Variants in CWF19L2 observed in about 807,000 individuals in gnomAD.
CWF19L2 encodes CWF19-like protein 2.
A neutral mutation model predicts 111.7 loss-of-function variants in CWF19L2; 98 were observed. The ratio of observed to expected loss-of-function variants is 0.88; its 90% CI spans 0.75 to 1.04. The LOEUF is 1.04. Among genes scored for constraint, CWF19L2 ranks in the 50% least tolerant of loss-of-function variants. The pLI is 0.00. For missense variants in CWF19L2, 1,101 were observed against 1,051.4 expected (o/e 1.05, Z -0.65); for synonymous variants, 351 against 342.9 (o/e 1.02, Z -0.26).
chr11:107,334,522 A>G (rs1183457101), intron 16 of CWF19L2, among the ~76,000 whole-genome samples: 2 of 152,212 alleles, frequency 1.3e-5, no homozygotes, highest in Non-Finnish European at 2.9e-5. Context: ...TTCTCTCAGT[A>G]TAATTGCAGA....
intron 13 of CWF19L2, among the ~76,000 whole-genome samples, chr11:107,352,988 A>C (rs558774604): frequency 5.9e-5 from 9 of 152,162 alleles, no homozygotes; most frequent in Admixed American, 3.3e-4. Context: ...CTGAAACATT[A>C]TTCATTCCTA....
chr11:107,332,978 C>A (rs188343141), intron 16 of CWF19L2, among the ~76,000 whole-genome samples: 1 of 151,650 alleles, frequency 6.6e-6, no homozygotes, highest in Non-Finnish European at 1.5e-5. Flanking sequence ...ATTAGCCTGG[C>A]GTGGTGGTGC....
In CWF19L2 at chr11:107,397,517, CGCCCACGGAGAGTCTGAGCTCAGGCAG is replaced by C. The variant is rs544817106; in HGVS notation, c.1618-4649_1618-4623del. ...CCCCCACAGCAGCCCCAGCAAGACGCGCCCACGGAGAGTCTGAGCTCAGGCAGGCCTAGCCCCGCCCCCACCTGATGA... is the reference window on the plus strand; with the variant it reads ...CCCCCACAGCAGCCCCAGCAAGACGCGCCTAGCCCCGCCCCCACCTGATGA... On this transcript the variant is annotated intron_variant, in intron 10 of 17. Transcript: ENST00000282251. Among the ~76,000 whole-genome samples the C allele has an allele frequency of 5.9e-5, 9 of 152,246 alleles. No individual in the cohort carries two copies. In the East Asian group the frequency reaches 1.7e-3, roughly 30 times the overall value.
At chr11:107,430,282 G>A (rs1335292619) in intron 7 of CWF19L2, among the ~76,000 whole-genome samples, 1 of 151,058 alleles carries the variant, frequency 6.6e-6, no homozygotes, top group Non-Finnish European at 1.5e-5. Flanking sequence ...ATATGGATAG[G>A]GGTAGATAAA....
At chr11:107,425,283 C>T (rs1049366204) in intron 8 of CWF19L2, among the ~76,000 whole-genome samples, 3 of 151,258 alleles carry the variant, frequency 2.0e-5, no homozygotes, top group Non-Finnish European at 4.4e-5. Context: ...TTTTTAAAAC[C>T]TGAAATTAGT....
chr11:107,330,046 G>T, intron 16 of CWF19L2, 27 bp from the exon 17 acceptor site: 1 of 1,409,426 alleles, frequency 7.1e-7, no homozygotes, highest in Non-Finnish European at 9.7e-7. Flanking sequence ...ATCACAAATG[G>T]AATACAGTAT....
chr11:107,412,650 G>C (rs1213884375), intron 10 of CWF19L2, among the ~76,000 whole-genome samples: 1 of 152,126 alleles, frequency 6.6e-6, no homozygotes, highest in African/African-American at 2.4e-5. Context: ...CTACCAAAAG[G>C]AGTTGAAAAC....
At chr11:107,435,096 C>A (rs1861521434) in intron 6 of CWF19L2, among the ~76,000 whole-genome samples, 1 of 152,066 alleles carries the variant, frequency 6.6e-6, no homozygotes, top group African/African-American at 2.4e-5. Flanking sequence ...TTTCAAGGCT[C>A]AAATTAATTC....
At position 107,455,723 on chromosome 11, in the gene CWF19L2, C is replaced by T; in HGVS notation, c.159G>A (p.Arg53=). The change falls in exon 2 of 18, where the codon CGG becomes CGA. Residue 53 remains arginine (R), a synonymous_variant. Coordinates refer to ENST00000282251, the MANE Select transcript of CWF19L2 (RefSeq NM_152434.3). The part of the protein sequence containing the change: ...EERRKELKRL[R]GEDTWMLPDV... Reference sequence around the variant, plus strand: ...CAGGTAGCATCCATGTATCCTCACCCCGAAGTCGCTTAAGTTCTTTACGCC... The same window carrying T: ...CAGGTAGCATCCATGTATCCTCACCTCGAAGTCGCTTAAGTTCTTTACGCC... The T allele has an allele frequency of 6.4e-7, 1 of 1,551,408 alleles. No individual in the cohort carries two copies. The highest frequency in any genetic ancestry group is 8.7e-7 in the Non-Finnish European group (1 of 1,146,828).
chr11:107,382,988 G>A lies in CWF19L2; in HGVS notation c.1872+7086C>T, dbSNP rs143192665. On this transcript the variant is annotated intron_variant, in intron 12 of 17. Transcript: ENST00000282251. ...TTTCTGGATACCTGAACACGTAGAG[G>A]TTCCTGGAGGGTGGCACTCCCAGGG... Among the ~76,000 whole-genome samples the A allele has an allele frequency of 2.0e-5, 3 of 152,368 alleles. No individual in the cohort carries two copies. The East Asian group carries it at 5.8e-4, about 29-fold the overall frequency.
chr11:107,349,120 T>C, intron 13 of CWF19L2, 67 bp from the exon 14 acceptor site: 1 of 727,530 alleles, frequency 1.4e-6, no homozygotes, highest in Non-Finnish European at 2.2e-6. Flanking sequence ...TATATGTTAA[T>C]GCTATTTATT....
chr11:107,439,282 C>A, intron 5 of CWF19L2, 99 bp from the exon 6 acceptor site: 1 of 678,634 alleles, frequency 1.5e-6, no homozygotes. Flanking sequence ...AGTCATAACC[C>A]TGGACAAATC....
intron 12 of CWF19L2, among the ~76,000 whole-genome samples, chr11:107,355,472 T>C (rs1349640848): frequency 6.6e-6 from 1 of 150,988 alleles, no homozygotes; most frequent in Admixed American, 6.6e-5. Context: ...CAAAACTACA[T>C]GTTATCATCA....
chr11:107,426,270 A>G (rs572414345), intron 8 of CWF19L2, among the ~76,000 whole-genome samples: 5 of 151,924 alleles, frequency 3.3e-5, no homozygotes, highest in African/African-American at 1.2e-4. Flanking sequence ...ACTCATATTT[A>G]AAAAAATAAA....
At chr11:107,442,143 G>T (rs1861626667) in intron 4 of CWF19L2, among the ~76,000 whole-genome samples, 1 of 152,146 alleles carries the variant, frequency 6.6e-6, no homozygotes, top group Non-Finnish European at 1.5e-5. Context: ...GACATAAGGG[G>T]AAAGTGCCAC....
chr11:107,438,493 G>A (rs551198295), intron 6 of CWF19L2, among the ~76,000 whole-genome samples: 248 of 152,044 alleles, frequency 1.6e-3, no homozygotes, highest in Middle Eastern at 0.01. Flanking sequence ...TTTATATTTT[G>A]TTACAGAATG....
intron 14 of CWF19L2, among the ~76,000 whole-genome samples, chr11:107,341,272 G>C (rs1274759209): frequency 2.0e-5 from 3 of 152,188 alleles, no homozygotes; most frequent in Non-Finnish European, 2.9e-5. Flanking sequence ...ACAAACTTTA[G>C]ATAAGCTTCC....
At chr11:107,373,133 T>A (rs1860539478) in intron 12 of CWF19L2, among the ~76,000 whole-genome samples, 1 of 43,280 alleles carries the variant, frequency 2.3e-5, no homozygotes, top group African/African-American at 2.7e-4. Flanking sequence ...GCCCACGGAG[T>A]CTCGCTGATT....
intron 1 of CWF19L2, among the ~76,000 whole-genome samples, 183 bp downstream of exon 1, chr11:107,457,529 G>C (rs1861872353): frequency 6.6e-6 from 1 of 152,146 alleles, no homozygotes; most frequent in South Asian, 2.1e-4. Flanking sequence ...ACTGGCACCT[G>C]CCAGAACATC....
Sources: allele counts gnomAD v4.1 joint callset (sites outside exome capture counted in the v4.1 genomes callset), GRCh38; gene constraint gnomAD v4.1.1; transcripts MANE v1.5; gene names NCBI Gene and HGNC (gene_info 2026-07-23, HGNC 2026-07-21).